FAM13A: variants seen among roughly 807,000 people sequenced by gnomAD.
FAM13A encodes the protein protein FAM13A.
In FAM13A, 76 loss-of-function variants were observed where a neutral mutation model predicts 129.6. The observed-to-expected ratio is 0.59, with a 90% CI of 0.49 to 0.71. The LOEUF (loss-of-function observed/expected upper bound fraction) is 0.71. Among genes scored for constraint, FAM13A ranks in the 30% least tolerant of loss-of-function variants. The probability of loss-of-function intolerance (pLI) is 0.00; values close to 1 mark genes in which losing one functional copy is unlikely to be tolerated. For synonymous variants in FAM13A, 443 were observed against 449.9 expected (o/e 0.98, Z 0.20); for missense variants, 1,108 against 1,249.3 (o/e 0.89, Z 1.70).
rs114847929 is a variant in FAM13A, at chr4:88,792,160, T to C, written c.1050-1533A>G. Among the ~76,000 whole-genome samples the C allele has an allele frequency of 2.1e-3, 322 of 152,156 alleles. 1 individual carries two copies. The highest frequency in any genetic ancestry group is 6.9e-3 in the African/African-American group (285 of 41,550). ...AGACACTGTGCTAAGTACTTTTACA[T>C]AGTTTTTTTTTCACTTATTATTTAC... On this transcript the variant is annotated intron_variant, in intron 8 of 23. Coordinates refer to ENST00000264344, the MANE Select transcript of FAM13A (RefSeq NM_014883.4).
intron 7 of FAM13A, among the ~76,000 whole-genome samples, chr4:88,837,634 C>T (rs1023185828): frequency 1.0e-4 from 15 of 145,794 alleles, no homozygotes; most frequent in Admixed American, 2.8e-4. Context: ...AGGAGAATCG[C>T]TTGAGCCTGG....
chr4:88,749,143 GAAT>G, intron 16 of FAM13A, 110 bp from the exon 17 acceptor site: 1 of 786,830 alleles, frequency 1.3e-6, no homozygotes, highest in Non-Finnish European at 2.3e-6. Flanking sequence ...AGCCCCATCA[GAAT>G]AAGAAATTAA....
chr4:88,877,065 T>C (rs965171625), intron 6 of FAM13A, among the ~76,000 whole-genome samples: 2 of 152,170 alleles, frequency 1.3e-5, no homozygotes, highest in Non-Finnish European at 2.9e-5. Flanking sequence ...CATATGGAAA[T>C]ACGCAGAATT....
At chr4:89,032,174 G>A (rs555471204) in intron 1 of FAM13A, among the ~76,000 whole-genome samples, 14 of 152,238 alleles carry the variant, frequency 9.2e-5, no homozygotes, top group Non-Finnish European at 2.1e-4. Context: ...GAACCTGGGA[G>A]GCGGAGCTTG....
At chr4:89,021,672 G>C (rs916269053) in intron 2 of FAM13A, among the ~76,000 whole-genome samples, 5 of 152,136 alleles carry the variant, frequency 3.3e-5, no homozygotes, top group African/African-American at 7.2e-5. Context: ...CAGGGTTTTA[G>C]GAAGATTTAG....
At chr4:88,781,085 A>C in intron 11 of FAM13A, 80 bp downstream of exon 11, 1 of 987,892 alleles carries the variant, frequency 1.0e-6, no homozygotes, top group Non-Finnish European at 1.5e-6. Flanking sequence ...GACTGAAATT[A>C]CTTTTAATTT....
intron 6 of FAM13A, among the ~76,000 whole-genome samples, chr4:88,878,333 T>A (rs962733091): frequency 1.3e-5 from 2 of 150,976 alleles, no homozygotes; most frequent in Non-Finnish European, 2.9e-5. Flanking sequence ...TGGTACTTTT[T>A]GAGATTCTAT....
chr4:88,797,655 A>G (rs1726495627), intron 8 of FAM13A, among the ~76,000 whole-genome samples: 2 of 151,958 alleles, frequency 1.3e-5, no homozygotes, highest in Admixed American at 6.6e-5. Context: ...CTGATTTTTA[A>G]TCATTTCTCT....
At chr4:89,001,035 CACA>C (rs1256560364) in intron 3 of FAM13A, among the ~76,000 whole-genome samples, 1 of 152,242 alleles carries the variant, frequency 6.6e-6, no homozygotes, top group Admixed American at 6.5e-5. Flanking sequence ...TCCAAGCTTG[CACA>C]ACCTCACCCA....
At chr4:88,800,611 G>C (rs1727239822) in intron 8 of FAM13A, among the ~76,000 whole-genome samples, 1 of 151,120 alleles carries the variant, frequency 6.6e-6, no homozygotes, top group African/African-American at 2.4e-5. Flanking sequence ...CTTGAACCTG[G>C]GAGGTGGAGG....
rs996557700 is a variant in FAM13A, at chr4:88,876,153, C to A, written c.844-24970G>T. ...CCAGGGCCTGTCCTGGGATGGGGGG[C>A]TGGGGGAGGGATAGCATTAGGAGAA... On this transcript the variant is annotated intron_variant, in intron 6 of 23. Transcript: ENST00000264344. Among the ~76,000 whole-genome samples the A allele has an allele frequency of 3.3e-4, 50 of 152,020 alleles. 1 individual carries two copies. The highest frequency in any genetic ancestry group is 1.1e-3 in the African/African-American group (46 of 41,432).
chr4:88,970,560 A>G (rs756437157), intron 4 of FAM13A, among the ~76,000 whole-genome samples: 20 of 151,704 alleles, frequency 1.3e-4, no homozygotes, highest in Non-Finnish European at 2.5e-4. Context: ...TGATATATCT[A>G]TATTTTAGCC....
At chr4:88,850,969 T>C (rs1236947254) in intron 7 of FAM13A, 51 bp downstream of exon 7, 2 of 1,569,142 alleles carry the variant, frequency 1.3e-6, no homozygotes, top group Non-Finnish European at 1.8e-6. Flanking sequence ...GGCCTAAACA[T>C]AAGAGCGAAT....
intron 4 of FAM13A, among the ~76,000 whole-genome samples, chr4:88,960,264 C>CT (rs1391345310): frequency 1.1e-4 from 16 of 152,286 alleles, no homozygotes; most frequent in African/African-American, 3.6e-4. Flanking sequence ...ATGTGTTTCT[C>CT]TTTTTTGCTT....
At chr4:88,730,500 C>T (rs537997353) in intron 23 of FAM13A, among the ~76,000 whole-genome samples, 4 of 152,252 alleles carry the variant, frequency 2.6e-5, no homozygotes, top group African/African-American at 4.8e-5. Context: ...TCAAGTGATT[C>T]TCTTGCCTCA....
intron 3 of FAM13A, among the ~76,000 whole-genome samples, chr4:89,013,203 A>G (rs1310738501): frequency 6.6e-6 from 1 of 151,974 alleles, no homozygotes; most frequent in East Asian, 1.9e-4. Flanking sequence ...CAAGAAACAC[A>G]GTAATCCTTC....
intron 3 of FAM13A, among the ~76,000 whole-genome samples, chr4:89,010,386 C>G (rs1795737): frequency 0.11 from 15,992 of 152,198 alleles, 905 homozygotes; most frequent in African/African-American, 0.15. Flanking sequence ...ACAGACAGCA[C>G]CTAAGCCTTT....
chr4:88,965,065 C>T (rs890840359), intron 4 of FAM13A, among the ~76,000 whole-genome samples: 1 of 152,184 alleles, frequency 6.6e-6, no homozygotes, highest in African/African-American at 2.4e-5. Flanking sequence ...ACATCTTTTA[C>T]GTCTTCTTTC....
At chr4:88,773,137 T>G (rs1178783992) in intron 11 of FAM13A, among the ~76,000 whole-genome samples, 1 of 152,230 alleles carries the variant, frequency 6.6e-6, no homozygotes. Context: ...CCCCTATCAC[T>G]GACTCAAGAA....
Sources: allele counts gnomAD v4.1 joint callset (sites outside exome capture counted in the v4.1 genomes callset), GRCh38; gene constraint gnomAD v4.1.1; transcripts MANE v1.5; gene names NCBI Gene and HGNC (gene_info 2026-07-23, HGNC 2026-07-21).